SHISA5: variants seen among roughly 807,000 people sequenced by gnomAD.
The protein encoded by SHISA5 is shisa family member 5, also known as protein shisa-5.
SHISA5 carries 21 observed loss-of-function variants against 27.5 expected under a neutral mutation model. That is an observed-to-expected ratio of 0.76 (90% CI 0.54 to 1.10). The LOEUF (loss-of-function observed/expected upper bound fraction) is 1.10, where lower values mean the gene tolerates loss of function less well. Among genes scored for constraint, SHISA5 ranks in the 50% least tolerant of loss-of-function variants. The probability of loss-of-function intolerance (pLI) is 0.00; values close to 1 mark genes in which losing one functional copy is unlikely to be tolerated. For missense variants in SHISA5, 314 were observed against 336.3 expected, an observed-to-expected ratio of 0.93 and a Z score of 0.52; for synonymous variants, 137 against 142.2, an observed-to-expected ratio of 0.96 and a Z score of 0.26.
In SHISA5 at chr3:48,469,432, T is replaced by C. The variant is rs139034654; in HGVS notation, c.572A>G (p.Tyr191Cys). ...PPQPGMPAAP[Y>C]PMQYPPPYPA... The stretch of plus-strand genomic sequence containing the variant: ...GTAAGGTGGTGGGTACTGCATTGGG[T>C]AGGGTGCTGCTGGCATCCCTGGCTG... Residue 191 changes from tyrosine to cysteine, a missense_variant, in exon 5 of 6, where the codon TAC (tyrosine) becomes TGC (cysteine). Coordinates refer to ENST00000296444, the MANE Select transcript of SHISA5 (RefSeq NM_016479.6). The surrounding 1 kb of genome is among the most constrained non-coding windows in gnomAD (Gnocchi z 4.6). The C allele has an allele frequency of 1.5e-4, 240 of 1,613,028 alleles. 2 individuals carry two copies. In the Middle Eastern group the frequency reaches 5.3e-3, roughly 36 times the overall value.
chr3:48,498,672 C>T (rs2041647406), intron 2 of SHISA5, among the ~76,000 whole-genome samples: 1 of 113,236 alleles, frequency 8.8e-6, no homozygotes, highest in African/African-American at 3.6e-5. Context: ...CTGGGAGACA[C>T]AGACTGTCTC....
At chr3:48,500,717 C>T (rs1015746502) in intron 2 of SHISA5, among the ~76,000 whole-genome samples, 1 of 152,172 alleles carries the variant, frequency 6.6e-6, no homozygotes, top group Non-Finnish European at 1.5e-5. Context: ...CACATGCTTA[C>T]GCACTGCACC....
At chr3:48,482,548 C>T (rs1435363951) in intron 2 of SHISA5, among the ~76,000 whole-genome samples, 1 of 152,064 alleles carries the variant, frequency 6.6e-6, no homozygotes, top group Non-Finnish European at 1.5e-5. Flanking sequence ...GTTAATTGTG[C>T]CAAATATGAT....
Position 48,501,313 on chromosome 3 carries a change from CT to C in SHISA5, c.77-21del. ...CACGTGCTGGAGAGGAGAAACACAT[CT>C]GTTCACCTGTGCCCACGGGCCAGGC... On this transcript the variant is annotated intron_variant, in intron 1 of 5. Transcript: ENST00000296444. 1.9e-6 allele frequency: 3 copies of C among 1,610,328 alleles called. No homozygotes were observed. Among genetic ancestry groups the C allele is most frequent in the Non-Finnish European group, 2.5e-6 (3 of 1,177,890 alleles).
chr3:48,491,514 C>T (rs1560131878), intron 2 of SHISA5, among the ~76,000 whole-genome samples: 4 of 152,164 alleles, frequency 2.6e-5, no homozygotes, highest in Admixed American at 2.0e-4. Flanking sequence ...GGCACATGTT[C>T]TCAAGACCTC....
At chr3:48,476,971 G>GT (rs1029078971) in intron 3 of SHISA5, 1 of 412,830 alleles carries the variant, frequency 2.4e-6, no homozygotes, top group African/African-American at 2.1e-5. Context: ...GGAGTCAGAG[G>GT]TGCCTCTGAG....
At chr3:48,496,497 G>A (rs1447854946) in intron 2 of SHISA5, among the ~76,000 whole-genome samples, 2 of 151,984 alleles carry the variant, frequency 1.3e-5, no homozygotes, top group African/African-American at 4.8e-5. Flanking sequence ...ATGGGAGGCT[G>A]AGGCGGATGG....
Position 48,501,040 on chromosome 3 carries a change from C to T in SHISA5, c.233+97G>A, listed in dbSNP as rs865829937. 4.5e-4 allele frequency: 612 copies of T among 1,355,128 alleles called. 7 individuals are homozygous for T. The Middle Eastern group carries it at 0.016, about 35-fold the overall frequency. 83.9% of individuals were successfully genotyped at this position (1,355,128 alleles called of 1,614,324 possible). On this transcript the variant is annotated intron_variant, in intron 2 of 5. Transcript: ENST00000296444. ...TGCTCTGGCCACCATCTTGAGAGGG[C>T]TGAGAGGCCAGAGGGGCAGAGCTAT... is the stretch of plus-strand genomic sequence containing the variant.
chr3:48,501,131 A>C lies in SHISA5; in HGVS notation c.233+6T>G. On this transcript the variant is annotated splice_donor_region_variant and intron_variant, in intron 2 of 5. Coordinates refer to ENST00000296444, the MANE Select transcript of SHISA5 (RefSeq NM_016479.6). ...CACCCACCCTGTGACCCACTGGTGCACCCACCTGGCCTCAGGCACAGCACA... is the reference window on the plus strand; with the variant it reads ...CACCCACCCTGTGACCCACTGGTGCCCCCACCTGGCCTCAGGCACAGCACA... The C allele has an allele frequency of 6.2e-7, 1 of 1,608,886 alleles. No individual in the cohort carries two copies. The highest frequency in any genetic ancestry group is 1.1e-5 in the South Asian group (1 of 90,516).
Position 48,473,142 on chromosome 3 carries a change from T to TCAGC in SHISA5, c.315-3303_315-3300dup. On this transcript the variant is annotated intron_variant, in intron 3 of 5. Coordinates refer to ENST00000296444, the MANE Select transcript of SHISA5 (RefSeq NM_016479.6). This position sits in a 1 kb window ranked among gnomAD's most constrained non-coding sequence, Gnocchi z 4.3. Reference sequence around the variant, plus strand: ...GAAAGCAAATCTCCTCCAGATGACGTCAGCCACAGGAAGCACAGACGCGAA... The same window carrying TCAGC: ...GAAAGCAAATCTCCTCCAGATGACGTCAGCCAGCCACAGGAAGCACAGACGCGAA... 1 of 1,459,728 alleles carries TCAGC rather than the reference T, an allele frequency of 6.9e-7. No individual in the cohort carries two copies. Among genetic ancestry groups the TCAGC allele is most frequent in the Non-Finnish European group, 9.0e-7 (1 of 1,108,878 alleles). 90.4% of individuals were successfully genotyped at this position (1,459,728 alleles called of 1,614,324 possible). A position where few individuals can be genotyped will look rare whatever the true frequency, so the allele number is the denominator to read the frequency against.
Position 48,469,884 on chromosome 3 carries a change from C to T in SHISA5, c.315-41G>A. On this transcript the variant is annotated intron_variant, in intron 3 of 5. Coordinates refer to ENST00000296444, the MANE Select transcript of SHISA5 (RefSeq NM_016479.6). This position sits in a 1 kb window ranked among gnomAD's most constrained non-coding sequence, Gnocchi z 4.6. ...ACGTGACCCGGGGCACCTCGCCCCT[C>T]CCCAGACCAGCATCCACACCTTCCC... is the stretch of plus-strand genomic sequence containing the variant. The T allele has an allele frequency of 6.3e-7, 1 of 1,589,662 alleles. No individual in the cohort carries two copies. Among genetic ancestry groups the T allele is most frequent in the Non-Finnish European group, 8.6e-7 (1 of 1,167,642 alleles).
rs2040508153 is a variant in SHISA5, at chr3:48,469,396, G to A, written c.608C>T (p.Pro203Leu). 6.2e-7 allele frequency: 1 copy of A among 1,603,602 alleles called. No individual in the cohort carries two copies. The highest frequency in any genetic ancestry group is 2.2e-5 in the East Asian group (1 of 44,670). ...CTCGTGGTAGGCCGGTGGGCCCATG[G>A]GCTGGGCTGGGTAAGGTGGTGGGTA... ...MQYPPPYPAQ[P>L]MGPPAYHETL... The change falls in exon 5 of 6, where the codon CCC becomes CTC. Residue 203 changes from proline (P) to leucine (L), a missense_variant. Pro to Leu is a moderately conservative substitution (Grantham distance 98). Transcript: ENST00000296444. This position sits in a 1 kb window ranked among gnomAD's most constrained non-coding sequence, Gnocchi z 4.6.
rs2040487045 is a variant in SHISA5 at position 48,469,147 on chromosome 3, T to G, written c.683A>C (p.Tyr228Ser). ...AAPYPASQPP[Y>S]NPAYMDAPKA... ...CGGGGCATCCATGTAGGCCGGGTTG[T>G]AAGGAGGCTGGCTGGCGGGGTAGGG... The change falls in exon 6 of 6, where the codon TAC becomes TCC. Residue 228 changes from tyrosine (Y) to serine (S), a missense_variant. By Grantham distance (144) the Tyr-to-Ser change is moderately radical (BLOSUM62 -2). Coordinates refer to ENST00000296444, the MANE Select transcript of SHISA5 (RefSeq NM_016479.6). The surrounding 1 kb of genome is among the most constrained non-coding windows in gnomAD (Gnocchi z 4.6). The G allele has an allele frequency of 1.9e-6, 3 of 1,613,064 alleles. No individual in the cohort carries two copies. Among genetic ancestry groups the G allele is most frequent in the Non-Finnish European group, 2.5e-6 (3 of 1,180,002 alleles).
intron 2 of SHISA5, among the ~76,000 whole-genome samples, chr3:48,483,909 G>A (rs1291867339): frequency 6.6e-6 from 1 of 152,168 alleles, no homozygotes; most frequent in Admixed American, 6.5e-5. Flanking sequence ...TAGACATAAG[G>A]TCTCACTATA....
intron 2 of SHISA5, among the ~76,000 whole-genome samples, chr3:48,481,104 A>G (rs1398008800): frequency 6.6e-6 from 1 of 151,866 alleles, no homozygotes. Context: ...TTGAAAAATA[A>G]TAAGAATAAA....
intron 2 of SHISA5, among the ~76,000 whole-genome samples, chr3:48,497,776 T>C (rs1216341624): frequency 6.6e-6 from 1 of 151,584 alleles, no homozygotes; most frequent in Non-Finnish European, 1.5e-5. Context: ...TAATCCCAGC[T>C]ACTTGGAAAG....
intron 1 of SHISA5, among the ~76,000 whole-genome samples, 166 bp from the exon 2 acceptor site, chr3:48,501,459 C>A (rs2041753590): frequency 1.3e-5 from 2 of 152,144 alleles, no homozygotes; most frequent in Admixed American, 1.3e-4. Context: ...CACTGCTCCC[C>A]CTCAGCCTTG....
chr3:48,472,253 C>G (rs890503812), intron 3 of SHISA5, among the ~76,000 whole-genome samples: 1 of 151,964 alleles, frequency 6.6e-6, no homozygotes, highest in Non-Finnish European at 1.5e-5. Flanking sequence ...TTTGGGAGGC[C>G]GAGGCAGGCG....
Position 48,486,443 on chromosome 3 carries a change from ATAT to A in SHISA5, c.234-7189_234-7187del, listed in dbSNP as rs1423294452. 1.2e-4 allele frequency among the ~76,000 whole-genome samples: 12 copies of A among 102,622 alleles called. No homozygotes were observed. The East Asian group carries it at 1.9e-3, about 16-fold the overall frequency. The allele number at this position is 102,622 out of a possible 152,430, so 67.3% of individuals were successfully genotyped here. A position where few individuals can be genotyped will look rare whatever the true frequency, so the allele number is the denominator to read the frequency against. On this transcript the variant is annotated intron_variant, in intron 2 of 5. Transcript: ENST00000296444. ...ATATTATATATTTTATATATTTATAATATTATATATTATATATTTATAATTATA... is the reference window on the plus strand; with the variant it reads ...ATATTATATATTTTATATATTTATAATATATATTATATATTTATAATTATA...
Sources: gnomAD v4.1 joint callset for allele counts (sites outside exome capture counted in the v4.1 genomes callset) on GRCh38, gnomAD v4.1.1 for gene constraint, Gnocchi (gnomAD v3.1) non-coding constraint, MANE v1.5 for transcripts, NCBI Gene and HGNC (gene_info 2026-07-23, HGNC 2026-07-21) for gene names.